The following LNX2 variants were observed in gnomAD, a reference collection of about 807,000 sequenced individuals.
LNX2 encodes ligand of Numb protein X 2.
LNX2 carries 35 observed loss-of-function variants against 66.2 expected under a neutral mutation model. The ratio of observed to expected loss-of-function variants is 0.53; its 90% CI spans 0.40 to 0.70. LNX2 has a LOEUF of 0.70. Among genes scored for constraint, LNX2 ranks in the 30% least tolerant of loss-of-function variants. The pLI is 0.00. For missense variants in LNX2, 791 were observed against 850.8 expected (o/e 0.93, Z 0.87); for synonymous variants, 337 against 315.6 (o/e 1.07, Z -0.72).
At chr13:27,591,815 G>A (rs1955548878) in intron 1 of LNX2, among the ~76,000 whole-genome samples, 1 of 152,146 alleles carries the variant, frequency 6.6e-6, no homozygotes, top group Non-Finnish European at 1.5e-5. Flanking sequence ...AGCAAGGCAG[G>A]GAAGTCACAG....
At chr13:27,586,519 T>A (rs1466290282) in intron 1 of LNX2, among the ~76,000 whole-genome samples, 1 of 152,074 alleles carries the variant, frequency 6.6e-6, no homozygotes, top group African/African-American at 2.4e-5. Context: ...GCTCTAAGAG[T>A]GAGCCTCCCA....
chr13:27,554,118 T>C (rs530940376), intron 7 of LNX2, among the ~76,000 whole-genome samples: 1 of 152,318 alleles, frequency 6.6e-6, no homozygotes, highest in African/African-American at 2.4e-5. Context: ...CAGAAATTTA[T>C]CTCTCCCAAT....
At chr13:27,582,868 G>A (rs1405853414) in intron 1 of LNX2, among the ~76,000 whole-genome samples, 2 of 151,994 alleles carry the variant, frequency 1.3e-5, no homozygotes, top group Admixed American at 6.6e-5. Context: ...TTCTACACAC[G>A]TATCCTGGAA....
chr13:27,548,642 C>A (rs1441361133), intron 9 of LNX2, among the ~76,000 whole-genome samples, 172 bp from the exon 10 acceptor site: 1 of 152,184 alleles, frequency 6.6e-6, no homozygotes, highest in Non-Finnish European at 1.5e-5. Flanking sequence ...GCTGGCTTTC[C>A]CTTGCCAATC....
chr13:27,620,121 C>G (rs1001168595), intron 1 of LNX2, among the ~76,000 whole-genome samples: 1 of 151,872 alleles, frequency 6.6e-6, no homozygotes, highest in Non-Finnish European at 1.5e-5. Context: ...CTCCCGGGCG[C>G]CTGCAGGCGG....
At chr13:27,610,198 T>C (rs1252449212) in intron 1 of LNX2, among the ~76,000 whole-genome samples, 1 of 152,214 alleles carries the variant, frequency 6.6e-6, no homozygotes, top group Non-Finnish European at 1.5e-5. Flanking sequence ...ACATGCACTG[T>C]GATACCTGGC....
chr13:27,587,847 C>A (rs1955505238), intron 1 of LNX2, among the ~76,000 whole-genome samples: 1 of 151,906 alleles, frequency 6.6e-6, no homozygotes, highest in African/African-American at 2.4e-5. Flanking sequence ...CAGTGAAACC[C>A]CATCTCTACT....
At chr13:27,595,354 T>C (rs544314126) in intron 1 of LNX2, among the ~76,000 whole-genome samples, 2 of 152,354 alleles carry the variant, frequency 1.3e-5, no homozygotes, top group African/African-American at 4.8e-5. Context: ...TGCATGTGTC[T>C]TCCCTACAGA....
intron 7 of LNX2, among the ~76,000 whole-genome samples, chr13:27,554,995 G>A (rs1955041123): frequency 6.6e-6 from 1 of 152,164 alleles, no homozygotes; most frequent in African/African-American, 2.4e-5. Flanking sequence ...TCTGATGCTA[G>A]GCTGGAGTAC....
intron 1 of LNX2, among the ~76,000 whole-genome samples, chr13:27,584,389 GA>G (rs57375748): frequency 0.2 from 25,039 of 124,312 alleles, 2,297 homozygotes; most frequent in Middle Eastern, 0.26. Context: ...TGTCTCTACA[GA>G]AAAAAAAAAA....
chr13:27,553,653 CAT>C (rs1955029504), intron 7 of LNX2, among the ~76,000 whole-genome samples: 1 of 152,008 alleles, frequency 6.6e-6, no homozygotes, highest in African/African-American at 2.4e-5. Context: ...AAAATAATGT[CAT>C]AATACATAGA....
At chr13:27,553,521 C>T (rs1955028399) in intron 7 of LNX2, 82 bp from the exon 8 acceptor site, 1 of 1,006,404 alleles carries the variant, frequency 9.9e-7, no homozygotes, top group African/African-American at 1.6e-5. Flanking sequence ...AACTAAGCAA[C>T]AAAAGTTAGT....
intron 1 of LNX2, among the ~76,000 whole-genome samples, chr13:27,594,169 A>G (rs1955573207): frequency 6.6e-6 from 1 of 152,154 alleles, no homozygotes; most frequent in Non-Finnish European, 1.5e-5. Flanking sequence ...ATAGTTGAAA[A>G]TATTTCATTG....
chr13:27,550,518 A>T, intron 8 of LNX2, 27 bp from the exon 9 acceptor site: 2 of 1,576,146 alleles, frequency 1.3e-6, no homozygotes, highest in Non-Finnish European at 1.7e-6. Flanking sequence ...AAATAAAGAA[A>T]AAATTAACAT....
At chr13:27,600,091 G>T (rs1363650579) in intron 1 of LNX2, among the ~76,000 whole-genome samples, 1 of 152,184 alleles carries the variant, frequency 6.6e-6, no homozygotes, top group Non-Finnish European at 1.5e-5. Flanking sequence ...ACAAATATGT[G>T]TTGGTTATCT....
chr13:27,582,402 A>G (rs1955408948), intron 1 of LNX2, among the ~76,000 whole-genome samples: 1 of 152,228 alleles, frequency 6.6e-6, no homozygotes, highest in Non-Finnish European at 1.5e-5. Flanking sequence ...AGTGTGACAT[A>G]AGAAACAATC....
chr13:27,559,995 A>G lies in LNX2; in HGVS notation c.1225-10T>C. 6.3e-7 allele frequency: 1 copy of G among 1,585,672 alleles called. No individual in the cohort carries two copies. The highest frequency in any genetic ancestry group is 2.3e-5 in the East Asian group (1 of 44,388). On this transcript the variant is annotated splice_polypyrimidine_tract_variant and intron_variant, in intron 5 of 9. Transcript: ENST00000316334. ...CTCTCTCTCCACTGGCCTGGAGAAA[A>G]CACAAATACATTACCATAAGTGACT... is the stretch of plus-strand genomic sequence containing the variant.
intron 1 of LNX2, among the ~76,000 whole-genome samples, chr13:27,596,250 T>C (rs1207554116): frequency 1.3e-5 from 2 of 152,132 alleles, no homozygotes; most frequent in Non-Finnish European, 2.9e-5. Context: ...ATAAAATATA[T>C]GCACATTTTG....
chr13:27,594,456 C>T (rs1236886695), intron 1 of LNX2, among the ~76,000 whole-genome samples: 5 of 152,118 alleles, frequency 3.3e-5, no homozygotes, highest in African/African-American at 1.2e-4. Flanking sequence ...ACTCACTTTT[C>T]CCTTTGAGAG....
Sources: allele counts gnomAD v4.1 joint callset (sites outside exome capture counted in the v4.1 genomes callset), GRCh38; gene constraint gnomAD v4.1.1; transcripts MANE v1.5; gene names NCBI Gene and HGNC (gene_info 2026-07-23, HGNC 2026-07-21).